The following RIF1 variants were observed in gnomAD, a reference collection of about 807,000 sequenced individuals.
The protein encoded by RIF1 is telomere-associated protein RIF1.
A neutral mutation model predicts 247.1 loss-of-function variants in RIF1; 45 were observed. The ratio of observed to expected loss-of-function variants is 0.18; its 90% CI spans 0.14 to 0.23. The LOEUF (loss-of-function observed/expected upper bound fraction) is 0.23, where lower values mean the gene tolerates loss of function less well. Among genes scored for constraint, RIF1 ranks in the 10% least tolerant of loss-of-function variants. The pLI, the probability that RIF1 is intolerant of heterozygous loss-of-function variation, is 1.00. For missense variants in RIF1, 2,967 were observed against 2,862.5 expected (o/e 1.04, Z -0.83); for synonymous variants, 1,087 against 978.8 (o/e 1.11, Z -2.06).
At chr2:151,531,822 A>G in the RIF1 span, 1 of 1,613,022 alleles carries the variant, frequency 6.2e-7, no homozygotes, top group Non-Finnish European at 8.5e-7. Context: ...CTTTTGTAGT[A>G]CGCAGGTGTT....
chr2:151,484,776 A>T (rs1574233364), downstream of RIF1, among the ~76,000 whole-genome samples: 1 of 152,206 alleles, frequency 6.6e-6, no homozygotes, highest in Non-Finnish European at 1.5e-5. Context: ...GGTTAAGCAT[A>T]ATCTGCCTTT....
At chr2:151,432,207 A>G (rs911964664) in intron 9 of RIF1, among the ~76,000 whole-genome samples, 12 of 151,992 alleles carry the variant, frequency 7.9e-5, no homozygotes, top group Admixed American at 6.6e-5. Context: ...GTAGGATTTC[A>G]CCATGTTGGT....
chr2:151,441,857 A>G (rs763037004), intron 15 of RIF1, 48 bp from the exon 16 acceptor site: 1 of 837,488 alleles, frequency 1.2e-6, no homozygotes, highest in East Asian at 2.8e-5. Flanking sequence ...TTTTTATTAG[A>G]TAATATTTTT....
At chr2:151,534,079 A>T in the RIF1 span, 1 of 669,122 alleles carries the variant, frequency 1.5e-6, no homozygotes, top group Non-Finnish European at 2.6e-6. Context: ...TTGGGTGGCT[A>T]GACAGATACT....
intron 6 of RIF1, 99 bp downstream of exon 6, chr2:151,417,000 G>A (rs1558932074): frequency 1.2e-6 from 1 of 833,686 alleles, no homozygotes; most frequent in Non-Finnish European, 1.9e-6. Flanking sequence ...ACATTAAAAG[G>A]GGGGAATGTC....
rs369174368 is a variant in RIF1 at position 151,491,703 on chromosome 2, C to T, written c.*416-3526C>T. 10 of 1,595,884 alleles carry T rather than the reference C, an allele frequency of 6.3e-6. No individual in the cohort carries two copies. The African/African-American group carries it at 9.4e-5, about 15-fold the overall frequency. Reference sequence around the variant, plus strand: ...CACACCATTAATCATGTGTAAGCTTCGGGACTGGATGTTGTCTTCTGCTGG... The same window carrying T: ...CACACCATTAATCATGTGTAAGCTTTGGGACTGGATGTTGTCTTCTGCTGG... On this transcript the variant is annotated intron_variant and NMD_transcript_variant, in intron 9 of 13. Transcript: ENST00000454583.
At chr2:151,422,822 T>G (rs1573899029) in intron 7 of RIF1, 128 bp from the exon 8 acceptor site, 4 of 545,444 alleles carry the variant, frequency 7.3e-6, no homozygotes, top group Non-Finnish European at 3.2e-6. Flanking sequence ...TGGCCTTGGG[T>G]GGGGTAATAT....
chr2:151,530,836 A>G, the RIF1 span: 20 of 581,440 alleles, frequency 3.4e-5, no homozygotes, highest in East Asian at 3.1e-4. Flanking sequence ...GTGTCCAGTC[A>G]ACTTACCGAA....
chr2:151,525,763 T>G, the RIF1 span, among the ~76,000 whole-genome samples: 3 of 152,224 alleles, frequency 2.0e-5, no homozygotes, highest in Non-Finnish European at 4.4e-5. Flanking sequence ...AAACCCACAT[T>G]TGCCATAATT....
At chr2:151,497,559 T>C in intron 10 of RIF1, 2 of 1,528,726 alleles carry the variant, frequency 1.3e-6, no homozygotes, top group Non-Finnish European at 1.8e-6. Flanking sequence ...TAATACGTAT[T>C]ATTTTAAATC....
chr2:151,445,705 G>T (rs998889362), intron 19 of RIF1, among the ~76,000 whole-genome samples: 1 of 151,912 alleles, frequency 6.6e-6, no homozygotes, highest in Non-Finnish European at 1.5e-5. Flanking sequence ...ATGCCACTGC[G>T]CCCAGCTAAT....
the RIF1 span, chr2:151,531,078 G>T: frequency 1.9e-6 from 3 of 1,611,646 alleles, no homozygotes; most frequent in African/African-American, 4.0e-5. Context: ...GTTTGGCCTT[G>T]TTGTATTCCA....
intron 18 of RIF1, among the ~76,000 whole-genome samples, chr2:151,444,462 A>T (rs1250958126): frequency 6.6e-6 from 1 of 152,136 alleles, no homozygotes; most frequent in Admixed American, 6.6e-5. Context: ...GGTGCACGCC[A>T]CCAAGCCCAG....
chr2:151,457,087 GT>G (rs545229546), intron 23 of RIF1, among the ~76,000 whole-genome samples: 414 of 143,800 alleles, frequency 2.9e-3, no homozygotes, highest in African/African-American at 3.6e-3. Context: ...CATTTATAGG[GT>G]TTTTTTTTTT....
At chr2:151,433,256 C>A in intron 10 of RIF1, 28 bp downstream of exon 10, 1 of 1,557,046 alleles carries the variant, frequency 6.4e-7, no homozygotes, top group Non-Finnish European at 8.8e-7. Context: ...GACTATAGCA[C>A]TTTATGTTTT....
chr2:151,492,757 A>G (rs1001637479), intron 9 of RIF1: 1 of 281,732 alleles, frequency 3.5e-6, no homozygotes, highest in African/African-American at 2.2e-5. Flanking sequence ...AAAGAGAGTG[A>G]CCTCTTGAAA....
chr2:151,440,259 T>C (rs888836497), intron 15 of RIF1, 132 bp downstream of exon 15: 1 of 627,272 alleles, frequency 1.6e-6, no homozygotes, highest in Non-Finnish European at 2.8e-6. Flanking sequence ...TTTAGTCCTA[T>C]TGCAATAAGT....
At chr2:151,524,654 C>CTTT in the RIF1 span, 967 of 257,256 alleles carry the variant, frequency 3.8e-3, 18 homozygotes, top group South Asian at 9.2e-3. Context: ...AAGAGAGAGG[C>CTTT]TTTTTTTTTT....
rs368019411 is a variant in RIF1, at chr2:151,456,237, G to A, written c.2610-341G>A. On this transcript the variant is annotated intron_variant, in intron 22 of 35. Coordinates refer to ENST00000444746, the MANE Select transcript of RIF1 (RefSeq NM_018151.5). ...TTTAGGAACAGATTTTATAAAGTACGATACAACCTCCAAATCCATGAACTT... is the reference window on the plus strand; with the variant it reads ...TTTAGGAACAGATTTTATAAAGTACAATACAACCTCCAAATCCATGAACTT... 4.7e-3 allele frequency among the ~76,000 whole-genome samples: 717 copies of A among 152,190 alleles called. 8 individuals carry two copies. Among genetic ancestry groups the A allele is most frequent in the South Asian group, 0.024 (117 of 4,816 alleles).
Sources: allele counts gnomAD v4.1 joint callset (sites outside exome capture counted in the v4.1 genomes callset), GRCh38; gene constraint gnomAD v4.1.1; transcripts MANE v1.5; gene names NCBI Gene and HGNC (gene_info 2026-07-23, HGNC 2026-07-21).